PLVAP: variants seen among roughly 807,000 people sequenced by gnomAD.
PLVAP encodes plasmalemma vesicle associated protein.
Under a neutral mutation model 43.1 loss-of-function variants are expected in PLVAP, and 34 were observed. The ratio of observed to expected loss-of-function variants is 0.79; its 90% CI spans 0.60 to 1.05. The LOEUF is 1.05. PLVAP is among the 50% of genes least tolerant of loss of function. The pLI is 0.00. For missense variants in PLVAP, 574 were observed against 593.4 expected, an observed-to-expected ratio of 0.97 and a Z score of 0.34; for synonymous variants, 241 against 237.3, an observed-to-expected ratio of 1.02 and a Z score of -0.14.
intron 5 of PLVAP, among the ~76,000 whole-genome samples, chr19:17,354,690 A>C (rs1412759846): frequency 6.6e-6 from 1 of 151,146 alleles, no homozygotes; most frequent in Non-Finnish European, 1.5e-5. Flanking sequence ...CGAGATGAGG[A>C]GATCGAGACC....
At chr19:17,370,056 G>A (rs1021857448) in intron 1 of PLVAP, among the ~76,000 whole-genome samples, 8 of 149,316 alleles carry the variant, frequency 5.4e-5, no homozygotes, top group South Asian at 4.3e-4. Context: ...TAGCCATTAC[G>A]GAAATGCAAA....
Position 17,360,659 on chromosome 19 carries a change from C to T in PLVAP, c.1241-50G>A, listed in dbSNP as rs551663358. 3 of 1,586,456 alleles carry T rather than the reference C, an allele frequency of 1.9e-6. No individual in the cohort carries two copies. In the East Asian group the frequency reaches 6.7e-5, roughly 36 times the overall value. On this transcript the variant is annotated intron_variant, in intron 4 of 5. Transcript: ENST00000252590. ...TGACCTACAGCTTCAGTTGCCCCTG[C>T]CCCTGGGCTAGGGATGGGCTGGCAG...
Position 17,365,790 on chromosome 19 carries a change from G to A in PLVAP, c.675C>T (p.Cys225=). The change falls in exon 3 of 6, where the codon TGC becomes TGT. Residue 225 remains cysteine, a synonymous_variant. Coordinates refer to ENST00000252590, the MANE Select transcript of PLVAP (RefSeq NM_031310.3). Reference sequence around the variant, plus strand: ...CAAACTTGTCCTTGTCCAGGGGCAGGCAGAGGGCTTGCACCTTTTGCAGTT... The same window carrying A: ...CAAACTTGTCCTTGTCCAGGGGCAGACAGAGGGCTTGCACCTTTTGCAGTT... ...KEQLQKVQAL[C]LPLDKDKFEM... is the part of the protein sequence containing the mutation. 7 of 1,614,142 alleles carry A rather than the reference G, an allele frequency of 4.3e-6. No homozygotes were observed. The highest frequency in any genetic ancestry group is 5.9e-6 in the Non-Finnish European group (7 of 1,180,028).
intron 5 of PLVAP, among the ~76,000 whole-genome samples, chr19:17,354,277 A>G (rs532278518): frequency 1.5e-4 from 23 of 151,530 alleles, no homozygotes; most frequent in African/African-American, 4.9e-4. Context: ...GCAACACAGC[A>G]AGACTCTCTC....
At chr19:17,372,470 T>A (rs2074576004) in intron 1 of PLVAP, among the ~76,000 whole-genome samples, 1 of 149,922 alleles carries the variant, frequency 6.7e-6, no homozygotes, top group African/African-American at 2.4e-5. Context: ...ATTTATTTAT[T>A]TTTTGAGACG....
Position 17,377,266 on chromosome 19 carries a change from C to G in PLVAP, c.23G>C (p.Gly8Ala). MGLAMEHGGSYARAGGSS... is the reference protein window; with the variant it reads MGLAMEHAGSYARAGGSS... Reference sequence around the variant, plus strand: ...GCCCCCCGCCCGAGCGTAGGACCCTCCGTGCTCCATGGCCAGACCCATTTG... The same window carrying G: ...GCCCCCCGCCCGAGCGTAGGACCCTGCGTGCTCCATGGCCAGACCCATTTG... Residue 8 changes from glycine (G) to alanine (A), a missense_variant, in exon 1 of 6, where the codon GGA (glycine) becomes GCA (alanine). Physicochemically the swap from Gly to Ala is moderately conservative, Grantham distance 60 (BLOSUM62 0). Transcript: ENST00000252590. 1 of 1,613,016 alleles carries G rather than the reference C, an allele frequency of 6.2e-7. No homozygotes were observed. The highest frequency in any genetic ancestry group is 8.5e-7 in the Non-Finnish European group (1 of 1,179,430).
chr19:17,369,592 G>A (rs2074563738), intron 1 of PLVAP, among the ~76,000 whole-genome samples: 1 of 144,000 alleles, frequency 6.9e-6, no homozygotes, highest in Non-Finnish European at 1.5e-5. Context: ...ATGAGATTGT[G>A]CCACCACACT....
At position 17,352,222 on chromosome 19, in the gene PLVAP, A is replaced by C. The variant is rs1052458564; in HGVS notation, c.*140T>G. The C allele has an allele frequency of 2.2e-5, 25 of 1,119,188 alleles. No individual in the cohort carries two copies. The highest frequency in any genetic ancestry group is 2.5e-5 in the Non-Finnish European group (20 of 794,764). The allele number at this position is 1,119,188 out of a possible 1,614,324, so 69.3% of individuals were successfully genotyped here. A position where few individuals can be genotyped will look rare whatever the true frequency, so the allele number is the denominator to read the frequency against. On this transcript the variant is annotated 3_prime_UTR_variant, in exon 6 of 6. Transcript: ENST00000252590. ...GTGTGAGAGGGTACTAGGGGTTTGC[A>C]TGCAGGGAGTTGTCTGATGGTGGCC...
intron 1 of PLVAP, among the ~76,000 whole-genome samples, chr19:17,367,948 A>G (rs1463083199): frequency 6.6e-6 from 1 of 151,548 alleles, no homozygotes; most frequent in Middle Eastern, 3.2e-3. Context: ...CCCAGGCTGG[A>G]GTACAATGGC....
At chr19:17,373,131 G>GGTCTGAC (rs879447153) in intron 1 of PLVAP, among the ~76,000 whole-genome samples, 4 of 100,520 alleles carry the variant, frequency 4.0e-5, no homozygotes, top group African/African-American at 1.1e-4. Flanking sequence ...TCAGGTCTGA[G>GGTCTGAC]AGGGGAGGCA....
At chr19:17,354,681 G>C (rs1335261982) in intron 5 of PLVAP, among the ~76,000 whole-genome samples, 1 of 150,422 alleles carries the variant, frequency 6.6e-6, no homozygotes, top group Non-Finnish European at 1.5e-5. Context: ...GGCGGATCAC[G>C]AGATGAGGAG....
Position 17,365,434 on chromosome 19 carries a change from G to T in PLVAP, c.1031C>A (p.Thr344Asn), listed in dbSNP as rs778293545. 3.7e-6 allele frequency: 6 copies of T among 1,613,028 alleles called. No individual in the cohort carries two copies. The East Asian group carries it at 6.7e-5, about 18-fold the overall frequency. The change falls in exon 3 of 6, where the codon ACC (threonine) becomes AAC (asparagine). Residue 344 changes from threonine to asparagine, a missense_variant. Physicochemically the swap from Thr to Asn is moderately conservative, Grantham distance 65 (BLOSUM62 0). Transcript: ENST00000252590. ...AKLQAECSRQ[T>N]QLALEEKAVL... ...CGCCTTCTCCTCCAGCGCTAGCTGG[G>T]TCTGCCGGGAGCATTCAGCTTGGAG...
Position 17,376,953 on chromosome 19 carries a change from G to C in PLVAP, c.336C>G (p.Ile112Met). The C allele has an allele frequency of 6.2e-7, 1 of 1,614,032 alleles. No homozygotes were observed. Among genetic ancestry groups the C allele is most frequent in the Non-Finnish European group, 8.5e-7 (1 of 1,180,004 alleles). The stretch of plus-strand genomic sequence containing the variant: ...CCTGGCACTGGCGGAAGCTGGCATT[G>C]ATGCGGTCCAGGTCGCGGCGAGCAT... ...WLNARRDLDR[I>M]NASFRQCQGD... The change falls in exon 1 of 6, where the codon ATC (isoleucine) becomes ATG (methionine). Residue 112 changes from isoleucine (I) to methionine (M), a missense_variant. Transcript: ENST00000252590.
At chr19:17,368,520 G>A (rs545511226) in intron 1 of PLVAP, among the ~76,000 whole-genome samples, 55 of 152,202 alleles carry the variant, frequency 3.6e-4, no homozygotes, top group African/African-American at 1.3e-3. Flanking sequence ...CAGAAGTAGG[G>A]TCTTTAGAGA....
rs188603912 is a variant in PLVAP at position 17,356,693 on chromosome 19, C to T, written c.1322+3835G>A. Among the ~76,000 whole-genome samples the T allele has an allele frequency of 1.8e-3, 273 of 151,442 alleles. 1 individual carries two copies. The highest frequency in any genetic ancestry group is 6.1e-3 in the African/African-American group (254 of 41,414). On this transcript the variant is annotated intron_variant, in intron 5 of 5. Coordinates refer to ENST00000252590, the MANE Select transcript of PLVAP (RefSeq NM_031310.3). ...AATAAGAGTGGGTCGGGTGTGATGGCTCACGCCTGTAATCCCAGCACTGTG... is the reference window on the plus strand; with the variant it reads ...AATAAGAGTGGGTCGGGTGTGATGGTTCACGCCTGTAATCCCAGCACTGTG...
At chr19:17,373,090 A>AG (rs1355735709) in intron 1 of PLVAP, among the ~76,000 whole-genome samples, 235 of 125,840 alleles carry the variant, frequency 1.9e-3, no homozygotes, top group African/African-American at 6.9e-3. Context: ...AAAAAAAAAA[A>AG]AAAGAAAGAA....
At chr19:17,353,184 G>A (rs918745935) in intron 5 of PLVAP, among the ~76,000 whole-genome samples, 17 of 152,178 alleles carry the variant, frequency 1.1e-4, no homozygotes, top group South Asian at 2.1e-4. Flanking sequence ...CCTGGGGCCC[G>A]AGTGGCCTCA....
chr19:17,361,213 G>A (rs2074527206), intron 3 of PLVAP, among the ~76,000 whole-genome samples: 1 of 152,080 alleles, frequency 6.6e-6, no homozygotes, highest in Non-Finnish European at 1.5e-5. Flanking sequence ...ACTGCACCCG[G>A]CCAGGTTCTG....
In PLVAP at chr19:17,370,331, A is replaced by G. The variant is rs145035309; in HGVS notation, c.370-4136T>C. 3.3e-5 allele frequency among the ~76,000 whole-genome samples: 5 copies of G among 152,310 alleles called. No homozygotes were observed. In the East Asian group the frequency reaches 7.7e-4, roughly 24 times the overall value. On this transcript the variant is annotated intron_variant, in intron 1 of 5. Transcript: ENST00000252590. ...GCAATGGAAACACATCCTCACATCA[A>G]CTTGCCAGGAATGTCCACAGCCGCT...
Sources: allele counts gnomAD v4.1 joint callset (sites outside exome capture counted in the v4.1 genomes callset), GRCh38; gene constraint gnomAD v4.1.1; transcripts MANE v1.5; gene names NCBI Gene and HGNC (gene_info 2026-07-23, HGNC 2026-07-21).